BNC2: variants seen among roughly 807,000 people sequenced by gnomAD.
BNC2 encodes zinc finger protein basonuclin-2.
In BNC2, 20 loss-of-function variants were observed where a neutral mutation model predicts 76.3. The ratio of observed to expected loss-of-function variants is 0.26; its 90% CI spans 0.18 to 0.38. The LOEUF is 0.38. BNC2 is among the 10% of genes least tolerant of loss of function. The pLI is 1.00. For synonymous variants in BNC2, 582 were observed against 514.8 expected (o/e 1.13, Z -1.77); for missense variants, 1,382 against 1,399.8 (o/e 0.99, Z 0.20).
chr9:16,614,851 G>T (rs552580787), intron 3 of BNC2, among the ~76,000 whole-genome samples: 1 of 151,854 alleles, frequency 6.6e-6, no homozygotes, highest in African/African-American at 2.4e-5. Context: ...AACTACTTGG[G>T]AAGTCGAGGT....
intron 1 of BNC2, among the ~76,000 whole-genome samples, chr9:16,846,056 C>T (rs1229483381): frequency 1.3e-5 from 2 of 151,110 alleles, no homozygotes; most frequent in Non-Finnish European, 2.9e-5. Context: ...AGGAGAATGG[C>T]GTGAACCCAG....
At chr9:16,648,752 C>A (rs915090327) in intron 3 of BNC2, among the ~76,000 whole-genome samples, 1 of 152,168 alleles carries the variant, frequency 6.6e-6, no homozygotes, top group Non-Finnish European at 1.5e-5. Flanking sequence ...AGTCTCTTGA[C>A]CAATTCCACA....
At chr9:16,726,286 G>C (rs895895211) in intron 3 of BNC2, among the ~76,000 whole-genome samples, 2 of 152,142 alleles carry the variant, frequency 1.3e-5, no homozygotes, top group Non-Finnish European at 2.9e-5. Flanking sequence ...TTAAATCCCA[G>C]CTTACTGTAT....
chr9:16,708,397 T>G (rs1299300882), intron 3 of BNC2, among the ~76,000 whole-genome samples: 1 of 152,162 alleles, frequency 6.6e-6, no homozygotes, highest in Non-Finnish European at 1.5e-5. Context: ...ATACGTTAAT[T>G]TATTCTGCTC....
At chr9:16,536,006 A>G (rs1818120224) in intron 5 of BNC2, among the ~76,000 whole-genome samples, 1 of 152,162 alleles carries the variant, frequency 6.6e-6, no homozygotes, top group Non-Finnish European at 1.5e-5. Flanking sequence ...AGATATGTAA[A>G]TGGGCCATCC....
chr9:16,824,838 T>G (rs971646382), intron 1 of BNC2, among the ~76,000 whole-genome samples: 3 of 152,166 alleles, frequency 2.0e-5, no homozygotes, highest in Non-Finnish European at 4.4e-5. Flanking sequence ...ACAAGAGGAC[T>G]GTTAGCCTGG....
intron 3 of BNC2, among the ~76,000 whole-genome samples, chr9:16,648,351 C>A (rs1174112210): frequency 6.6e-6 from 1 of 152,158 alleles, no homozygotes; most frequent in Admixed American, 6.5e-5. Flanking sequence ...CATCAGGACA[C>A]CAAGCTCTGA....
Position 16,436,202 on chromosome 9 carries a change from TCCA to T in BNC2, c.1989_1991del (p.Gly664del). On this transcript the variant is annotated inframe_deletion, in exon 6 of 7. Coordinates refer to ENST00000380672, the MANE Select transcript of BNC2 (RefSeq NM_017637.6). ...CATGGCTCATGTCATTGACCACAGC[TCCA>T]CCATCATTGGGGTCATCATCTTCAT... is the stretch of plus-strand genomic sequence containing the variant. 3.7e-6 allele frequency: 6 copies of T among 1,614,124 alleles called. No homozygotes were observed. Among genetic ancestry groups the T allele is most frequent in the Admixed American group, 1.7e-5 (1 of 60,004 alleles).
intron 1 of BNC2, among the ~76,000 whole-genome samples, chr9:16,773,112 G>A (rs922422810): frequency 6.6e-6 from 1 of 152,118 alleles, no homozygotes; most frequent in South Asian, 2.1e-4. Context: ...ATTCTGTCCT[G>A]ATTGCTGTTC....
At chr9:16,485,364 T>G (rs79857260) in intron 5 of BNC2, among the ~76,000 whole-genome samples, 13,021 of 152,230 alleles carry the variant, frequency 0.086, 753 homozygotes, top group African/African-American at 0.16. Flanking sequence ...GTTTGCATTT[T>G]TGTAAAGTTG....
chr9:16,569,360 A>G (rs1819255772), intron 4 of BNC2, among the ~76,000 whole-genome samples: 1 of 152,092 alleles, frequency 6.6e-6, no homozygotes, highest in Admixed American at 6.6e-5. Flanking sequence ...CCACTGTCCT[A>G]CGGATTTTAA....
At chr9:16,785,110 T>C (rs1826250211) in intron 1 of BNC2, among the ~76,000 whole-genome samples, 2 of 152,196 alleles carry the variant, frequency 1.3e-5, no homozygotes, top group Admixed American at 6.5e-5. Context: ...TTGCACTTTG[T>C]AGAAAAGAAC....
chr9:16,708,421 T>G lies in BNC2; in HGVS notation c.330+19376A>C, dbSNP rs1182114975. On this transcript the variant is annotated intron_variant, in intron 3 of 6. Coordinates refer to ENST00000380672, the MANE Select transcript of BNC2 (RefSeq NM_017637.6). ...TTTATTCTGCTCTGCAGGGATTCATTTGGAGTCGAGAGATTGGCTAAATCA... is the reference window on the plus strand; with the variant it reads ...TTTATTCTGCTCTGCAGGGATTCATGTGGAGTCGAGAGATTGGCTAAATCA... Among the ~76,000 whole-genome samples, 3 of 152,312 alleles carry G rather than the reference T, an allele frequency of 2.0e-5. No individual in the cohort carries two copies. In the East Asian group the frequency reaches 5.8e-4, roughly 29 times the overall value.
rs572626763 is a variant in BNC2, at chr9:16,766,079, G to A, written c.4-27594C>T. 8.4e-4 allele frequency among the ~76,000 whole-genome samples: 128 copies of A among 152,268 alleles called. 2 individuals are homozygous for A. The South Asian group carries it at 0.024, about 28-fold the overall frequency. On this transcript the variant is annotated intron_variant, in intron 1 of 6. Transcript: ENST00000380672. ...TGGGATTACAGGCGTGAGCCACCGC[G>A]CCCGGCACTCATAATTTCTTAAGTG...
At chr9:16,464,042 C>T (rs1563795872) in intron 5 of BNC2, among the ~76,000 whole-genome samples, 1 of 121,048 alleles carries the variant, frequency 8.3e-6, no homozygotes, top group South Asian at 2.7e-4. Context: ...TACAGTGAGC[C>T]AAGATTGTGC....
chr9:16,758,194 C>G (rs1385882233), intron 1 of BNC2, among the ~76,000 whole-genome samples: 1 of 150,660 alleles, frequency 6.6e-6, no homozygotes, highest in East Asian at 2.0e-4. Flanking sequence ...TCTTACTATT[C>G]TTCCATGGTC....
intron 3 of BNC2, among the ~76,000 whole-genome samples, chr9:16,636,815 G>A (rs1362695479): frequency 6.6e-6 from 1 of 152,142 alleles, no homozygotes; most frequent in Non-Finnish European, 1.5e-5. Context: ...AGGCAAACAG[G>A]TGGGATGTTA....
intron 5 of BNC2, among the ~76,000 whole-genome samples, chr9:16,482,916 G>C (rs1822090556): frequency 6.6e-6 from 1 of 152,170 alleles, no homozygotes; most frequent in Admixed American, 6.5e-5. Context: ...GTCTACTCAT[G>C]TGTGACTAAC....
In BNC2 at chr9:16,751,556, TAA is replaced by T. The variant is rs563113806; in HGVS notation, c.4-13073_4-13072del. Among the ~76,000 whole-genome samples the T allele has an allele frequency of 1.7e-3, 64 of 37,258 alleles. 1 individual carries two copies. The highest frequency in any genetic ancestry group is 9.3e-3 in the East Asian group (9 of 970). 24.4% of individuals were successfully genotyped at this position (37,258 alleles called of 152,430 possible). ...ACACTGTGAAGAGTCATAAATCATA[TAA>T]AAAGTTATTATTGTTCTAGAAATAT... On this transcript the variant is annotated intron_variant, in intron 1 of 6. Transcript: ENST00000380672.
Sources: gnomAD v4.1 joint callset for allele counts (sites outside exome capture counted in the v4.1 genomes callset) on GRCh38, gnomAD v4.1.1 for gene constraint, MANE v1.5 for transcripts, NCBI Gene and HGNC (gene_info 2026-07-23, HGNC 2026-07-21) for gene names.